The following IL1RAP variants were observed in gnomAD, a reference collection of about 807,000 sequenced individuals.
The protein encoded by IL1RAP is interleukin 1 receptor accessory protein, also known as interleukin-1 receptor accessory protein.
Under a neutral mutation model 60.7 loss-of-function variants are expected in IL1RAP, and 35 were observed. The observed-to-expected ratio is 0.58, with a 90% confidence interval of 0.44 to 0.76. The LOEUF is 0.76. IL1RAP is among the 30% of genes least tolerant of loss of function. The probability of loss-of-function intolerance (pLI) is 0.00; values close to 1 mark genes in which losing one functional copy is unlikely to be tolerated. For missense variants in IL1RAP, 572 were observed against 693.9 expected, an observed-to-expected ratio of 0.82 and a Z score of 1.97; for synonymous variants, 268 against 250.9, an observed-to-expected ratio of 1.07 and a Z score of -0.64.
chr3:190,520,686 A>G (rs1419697155), intron 1 of IL1RAP: 2 of 152,118 alleles, frequency 1.3e-5, no homozygotes, highest in Non-Finnish European at 2.9e-5. Context: ...TTCAACTATT[A>G]TTTTCTGTTG....
intron 3 of IL1RAP, among the ~76,000 whole-genome samples, chr3:190,603,039 T>C (rs1729993465): frequency 1.3e-5 from 2 of 152,176 alleles, no homozygotes; most frequent in Non-Finnish European, 1.5e-5. Flanking sequence ...AGTTTGTTTT[T>C]TTTTCTGAGT....
downstream of IL1RAP, among the ~76,000 whole-genome samples, chr3:190,653,039 G>A (rs904899859): frequency 2.6e-5 from 4 of 152,104 alleles, no homozygotes; most frequent in Non-Finnish European, 4.4e-5. Context: ...TTCTACTCAA[G>A]GAATATAAAG....
chr3:190,546,913 C>T (rs1724424052), intron 1 of IL1RAP, among the ~76,000 whole-genome samples: 1 of 152,134 alleles, frequency 6.6e-6, no homozygotes, highest in Non-Finnish European at 1.5e-5. Context: ...GAAAATCGCC[C>T]CTTGAAAGCT....
chr3:190,538,487 A>G (rs1361617098), intron 1 of IL1RAP, among the ~76,000 whole-genome samples: 3 of 152,198 alleles, frequency 2.0e-5, no homozygotes, highest in Non-Finnish European at 4.4e-5. Flanking sequence ...GGCAGGATGG[A>G]GTGCTTTGCA....
intron 1 of IL1RAP, among the ~76,000 whole-genome samples, chr3:190,535,938 T>C (rs549897967): frequency 6.6e-5 from 10 of 152,364 alleles, no homozygotes; most frequent in African/African-American, 2.4e-4. Context: ...ACTGCTATCA[T>C]ATAGCAAAGA....
At chr3:190,562,980 G>A (rs1330920178) in intron 2 of IL1RAP, among the ~76,000 whole-genome samples, 2 of 152,106 alleles carry the variant, frequency 1.3e-5, no homozygotes, top group African/African-American at 2.4e-5. Flanking sequence ...GGCTAAAAAA[G>A]GAAGCATGAA....
At chr3:190,581,678 C>T (rs945238053) in intron 3 of IL1RAP, among the ~76,000 whole-genome samples, 4 of 152,182 alleles carry the variant, frequency 2.6e-5, no homozygotes, top group African/African-American at 9.7e-5. Flanking sequence ...CTGGTTTTGA[C>T]GACTCTAAAT....
In IL1RAP at chr3:190,604,304, G is replaced by A. The variant is rs1197083545; in HGVS notation, c.241G>A (p.Glu81Lys). 6 of 1,613,886 alleles carry A rather than the reference G, an allele frequency of 3.7e-6. No homozygotes were observed. Among genetic ancestry groups the A allele is most frequent in the Non-Finnish European group, 5.1e-6 (6 of 1,179,962 alleles). The stretch of plus-strand genomic sequence containing the variant: ...GACTAGGCAGGACCGGGACCTTGAG[G>A]AGCCAATTAACTTCCGCCTCCCCGA... ...YWTRQDRDLE[E>K]PINFRLPENR... Residue 81 changes from glutamate to lysine, a missense_variant, in exon 4 of 12, where the codon GAG becomes AAG. Transcript: ENST00000447382.
At chr3:190,621,006 A>C (rs1731730203) in intron 6 of IL1RAP, among the ~76,000 whole-genome samples, 1 of 152,206 alleles carries the variant, frequency 6.6e-6, no homozygotes, top group South Asian at 2.1e-4. Flanking sequence ...AGAAACTAGG[A>C]AAGTGGGAAA....
intron 1 of IL1RAP, among the ~76,000 whole-genome samples, chr3:190,530,174 G>T (rs1454776717): frequency 3.3e-5 from 5 of 152,158 alleles, no homozygotes; most frequent in Non-Finnish European, 2.9e-5. Flanking sequence ...CCTGGAGAGA[G>T]CCCAGTCTGA....
downstream of IL1RAP, among the ~76,000 whole-genome samples, chr3:190,654,202 A>T (rs1449094238): frequency 6.9e-6 from 1 of 145,228 alleles, no homozygotes; most frequent in African/African-American, 2.8e-5. Context: ...ACACACACAC[A>T]CACACACACA....
intron 3 of IL1RAP, among the ~76,000 whole-genome samples, chr3:190,571,029 T>C (rs1726876230): frequency 6.6e-6 from 1 of 152,178 alleles, no homozygotes; most frequent in African/African-American, 2.4e-5. Flanking sequence ...TATTTGCCAA[T>C]TACGTTTCCT....
At chr3:190,593,185 C>A (rs957410631) in intron 3 of IL1RAP, among the ~76,000 whole-genome samples, 6 of 151,294 alleles carry the variant, frequency 4.0e-5, no homozygotes, top group Admixed American at 2.0e-4. Flanking sequence ...ATCAAGAAAA[C>A]TTCCTTTTGT....
chr3:190,643,831 C>A (rs1402843227), intron 9 of IL1RAP, among the ~76,000 whole-genome samples: 1 of 152,178 alleles, frequency 6.6e-6, no homozygotes, highest in African/African-American at 2.4e-5. Context: ...AATTAAAATT[C>A]TACCAATACC....
At position 190,623,865 on chromosome 3, in the gene IL1RAP, A is replaced by G. The variant is rs140846492; in HGVS notation, c.775+450A>G. Among the ~76,000 whole-genome samples, 112 of 152,342 alleles carry G rather than the reference A, an allele frequency of 7.4e-4. 1 individual carries two copies. The East Asian group carries it at 0.015, about 21-fold the overall frequency. On this transcript the variant is annotated intron_variant, in intron 7 of 11. Transcript: ENST00000447382. ...AGACATTGACGCAGAACACTATTGA[A>G]TGCTTACTGTGGCTCTTCGGTTCTT...
chr3:190,630,258 C>A, intron 9 of IL1RAP: 1 of 861,160 alleles, frequency 1.2e-6, no homozygotes, highest in Non-Finnish European at 1.4e-6. Context: ...AATTATAAAG[C>A]CTTCTTGTCA....
At chr3:190,528,644 G>A (rs1665105513) in intron 1 of IL1RAP, among the ~76,000 whole-genome samples, 2 of 152,146 alleles carry the variant, frequency 1.3e-5, no homozygotes, top group African/African-American at 4.8e-5. Flanking sequence ...ACAACTGAAA[G>A]ATAAAACATA....
chr3:190,647,070 CATA>C (rs1282359466), intron 11 of IL1RAP, among the ~76,000 whole-genome samples: 1 of 152,172 alleles, frequency 6.6e-6, no homozygotes, highest in Non-Finnish European at 1.5e-5. Context: ...TCACATTCTG[CATA>C]ATTACTCTTG....
At chr3:190,571,124 T>A (rs1373997109) in intron 3 of IL1RAP, among the ~76,000 whole-genome samples, 1 of 152,208 alleles carries the variant, frequency 6.6e-6, no homozygotes, top group Non-Finnish European at 1.5e-5. Context: ...GATCATGATT[T>A]TTTTTATGTG....
Sources: gnomAD v4.1 joint callset for allele counts (sites outside exome capture counted in the v4.1 genomes callset) on GRCh38, gnomAD v4.1.1 for gene constraint, MANE v1.5 for transcripts, NCBI Gene and HGNC (gene_info 2026-07-23, HGNC 2026-07-21) for gene names.